KIF13A: variants seen among roughly 807,000 people sequenced by gnomAD.
KIF13A encodes the protein kinesin-like protein KIF13A.
KIF13A carries 79 observed loss-of-function variants against 212.2 expected under a neutral mutation model. That is an observed-to-expected ratio of 0.37 (90% CI 0.31 to 0.45). The LOEUF (loss-of-function observed/expected upper bound fraction) is 0.45, where lower values mean the gene tolerates loss of function less well. KIF13A is among the 20% of genes least tolerant of loss of function. The pLI is 1.00. For missense variants in KIF13A, 1,901 were observed against 2,209.0 expected (o/e 0.86, Z 2.79); for synonymous variants, 789 against 808.6 (o/e 0.98, Z 0.41).
intron 2 of KIF13A, among the ~76,000 whole-genome samples, chr6:17,913,231 G>A (rs1454972384): frequency 6.6e-6 from 1 of 152,036 alleles, no homozygotes; most frequent in African/African-American, 2.4e-5. Flanking sequence ...GAGGAGCAGG[G>A]AGCTGGAATG....
intron 3 of KIF13A, among the ~76,000 whole-genome samples, chr6:17,890,628 TTC>T (rs1771962674): frequency 6.7e-6 from 1 of 150,014 alleles, no homozygotes; most frequent in Non-Finnish European, 1.5e-5. Context: ...CTTCTCCTTC[TTC>T]TTTTTTTTTT....
chr6:17,957,441 C>A (rs1778435600), intron 2 of KIF13A, among the ~76,000 whole-genome samples: 1 of 152,140 alleles, frequency 6.6e-6, no homozygotes, highest in Non-Finnish European at 1.5e-5. Context: ...TTTGTATCCT[C>A]TAAGATAACC....
chr6:17,781,311 T>C lies in KIF13A; in HGVS notation c.3545-10A>G, dbSNP rs1452914835. ...GCACTGAGGTCATCCGCTAACCACA[T>C]CAGGAGCACAGAAAAAACAGTAGGG... On this transcript the variant is annotated splice_polypyrimidine_tract_variant and intron_variant, in intron 29 of 38. Coordinates refer to ENST00000259711, the MANE Select transcript of KIF13A (RefSeq NM_022113.6). The C allele has an allele frequency of 1.3e-6, 2 of 1,560,652 alleles. No homozygotes were observed. Among genetic ancestry groups the C allele is most frequent in the Non-Finnish European group, 1.7e-6 (2 of 1,158,748 alleles).
intron 2 of KIF13A, among the ~76,000 whole-genome samples, chr6:17,945,992 C>T (rs749102683): frequency 6.6e-6 from 1 of 152,078 alleles, no homozygotes; most frequent in Non-Finnish European, 1.5e-5. Flanking sequence ...ATCTCTACTT[C>T]ATACTGTTTA....
At chr6:17,975,542 C>T (rs774553077) in intron 2 of KIF13A, among the ~76,000 whole-genome samples, 1 of 151,398 alleles carries the variant, frequency 6.6e-6, no homozygotes, top group Non-Finnish European at 1.5e-5. Context: ...TTGCAAAGAC[C>T]AAAAGAAAAA....
chr6:17,766,219 G>GATTGATTGATTTATTTATTTATTTATTT (rs1554158989), intron 38 of KIF13A, among the ~76,000 whole-genome samples: 1 of 144,656 alleles, frequency 6.9e-6, no homozygotes, highest in African/African-American at 2.6e-5. Context: ...TTATTTTTAA[G>GATTGATTGATTTATTTATTTATTTATTT]ATTTATTTAT....
rs927020936 is a variant in KIF13A, at chr6:17,787,676, A to C, written c.3361+100T>G. The C allele has an allele frequency of 1.0e-5, 7 of 682,336 alleles. No homozygotes were observed. The highest frequency in any genetic ancestry group is 2.3e-5 in the Admixed American group (1 of 42,752). 42.3% of individuals were successfully genotyped at this position (682,336 alleles called of 1,614,324 possible). ...AAAACAACAACAACAACAACAACAA[A>C]AATAAGATACTACTGTCCAGTTAGG... On this transcript the variant is annotated intron_variant, in intron 27 of 38. Coordinates refer to ENST00000259711, the MANE Select transcript of KIF13A (RefSeq NM_022113.6). The surrounding 1 kb of genome is among the most constrained non-coding windows in gnomAD (Gnocchi z 4.6).
In KIF13A at chr6:17,831,017, C is replaced by T. The variant is rs1285414167; in HGVS notation, c.1401+84G>A. 5 of 1,310,192 alleles carry T rather than the reference C, an allele frequency of 3.8e-6. No homozygotes were observed. In the African/African-American group the frequency reaches 5.9e-5, roughly 15 times the overall value. 81.2% of individuals were successfully genotyped at this position (1,310,192 alleles called of 1,614,324 possible). ...GGGCTAAGCTGGATACAAAAAGCAA[C>T]ATCACAGAGACAGGCACCCAGATTC... On this transcript the variant is annotated intron_variant, in intron 13 of 38. Transcript: ENST00000259711.
intron 2 of KIF13A, among the ~76,000 whole-genome samples, chr6:17,922,180 A>G (rs72839131): frequency 0.041 from 6,176 of 152,296 alleles, 229 homozygotes; most frequent in Admixed American, 0.057. Context: ...TCAGGTCAAC[A>G]GCTAACAGCC....
chr6:17,777,401 A>G lies in KIF13A; in HGVS notation c.4093-47T>C, dbSNP rs1324011963. Reference sequence around the variant, plus strand: ...AATAACACTTTTTTTTTTTTTCCCCAGAGACAGAGTCTCACTCTGTTGCCC... The same window carrying G: ...AATAACACTTTTTTTTTTTTTCCCCGGAGACAGAGTCTCACTCTGTTGCCC... On this transcript the variant is annotated intron_variant, in intron 33 of 38. Coordinates refer to ENST00000259711, the MANE Select transcript of KIF13A (RefSeq NM_022113.6). The surrounding 1 kb of genome is among the most constrained non-coding windows in gnomAD (Gnocchi z 4.4). 1.8e-5 allele frequency: 26 copies of G among 1,412,512 alleles called. No homozygotes were observed. The Admixed American group carries it at 5.1e-4, about 28-fold the overall frequency. 87.5% of individuals were successfully genotyped at this position (1,412,512 alleles called of 1,614,324 possible). A position where few individuals can be genotyped will look rare whatever the true frequency, so the allele number is the denominator to read the frequency against.
intron 4 of KIF13A, among the ~76,000 whole-genome samples, chr6:17,870,328 G>A (rs1279722999): frequency 6.6e-6 from 1 of 152,102 alleles, no homozygotes; most frequent in Non-Finnish European, 1.5e-5. Context: ...TAGGCTATCA[G>A]TATGTTTAAA....
chr6:17,888,921 C>G lies in KIF13A; in HGVS notation c.159+9247G>C, dbSNP rs1221353661. ...AAAAAATCTTATATTCTTTTTCTTT[C>G]TTGTACCAAGTCTTCTAAATCTAGC... is the stretch of plus-strand genomic sequence containing the variant. On this transcript the variant is annotated intron_variant, in intron 3 of 38. Transcript: ENST00000259711. The surrounding 1 kb of genome is among the most constrained non-coding windows in gnomAD (Gnocchi z 4.8). Among the ~76,000 whole-genome samples the G allele has an allele frequency of 1.3e-5, 2 of 151,996 alleles. No homozygotes were observed. Among genetic ancestry groups the G allele is most frequent in the East Asian group, 3.9e-4 (2 of 5,194 alleles).
Position 17,961,760 on chromosome 6 carries a change from C to T in KIF13A, c.146+25294G>A, listed in dbSNP as rs1778832592. ...TCCTCCAGCCAAGTAAGATGTCCACCTCCAGCAACGACATAGACTGCAGCG... is the reference window on the plus strand; with the variant it reads ...TCCTCCAGCCAAGTAAGATGTCCACTTCCAGCAACGACATAGACTGCAGCG... On this transcript the variant is annotated intron_variant, in intron 2 of 38. Transcript: ENST00000259711. The surrounding 1 kb of genome is among the most constrained non-coding windows in gnomAD (Gnocchi z 4.1). 2.0e-5 allele frequency among the ~76,000 whole-genome samples: 3 copies of T among 152,178 alleles called. No individual in the cohort carries two copies. Among genetic ancestry groups the T allele is most frequent in the African/African-American group, 7.2e-5 (3 of 41,444 alleles).
intron 7 of KIF13A, among the ~76,000 whole-genome samples, chr6:17,851,220 C>T (rs1464319127): frequency 1.3e-5 from 2 of 152,074 alleles, no homozygotes; most frequent in South Asian, 4.1e-4. Flanking sequence ...GCTCTATTTC[C>T]GATTAGAGCA....
Position 17,773,477 on chromosome 6 carries a change from C to T in KIF13A, c.4324+1G>A, listed in dbSNP as rs370060319. ...TCACTGCAAAATAATCTCACCACTA[C>T]CTTCTTTATTCCTTCGAGGAGAATC... On this transcript the variant is annotated splice_donor_variant, in intron 36 of 38. Coordinates refer to ENST00000259711, the MANE Select transcript of KIF13A (RefSeq NM_022113.6). LOFTEE classifies it high-confidence loss of function. This position sits in a 1 kb window ranked among gnomAD's most constrained non-coding sequence, Gnocchi z 4.2. 10 of 1,540,922 alleles carry T rather than the reference C, an allele frequency of 6.5e-6. No individual in the cohort carries two copies. The highest frequency in any genetic ancestry group is 8.1e-6 in the Non-Finnish European group (9 of 1,115,144).
chr6:17,805,382 TGTGTG>T, intron 19 of KIF13A, 88 bp downstream of exon 19: 1 of 248,430 alleles, frequency 4.0e-6, no homozygotes, highest in Non-Finnish European at 7.3e-6. Flanking sequence ...TGTGTGTGTG[TGTGTG>T]TGTGTGTGTG....
intron 9 of KIF13A, among the ~76,000 whole-genome samples, chr6:17,847,303 T>C (rs537260412): frequency 3.3e-5 from 5 of 152,312 alleles, no homozygotes; most frequent in South Asian, 4.1e-4. Context: ...TCTGAACTCA[T>C]TTTGGCATGC....
rs1309336169 is a variant in KIF13A, at chr6:17,872,481, C to T, written c.220+896G>A. Among the ~76,000 whole-genome samples, 1 of 152,152 alleles carries T rather than the reference C, an allele frequency of 6.6e-6. No homozygotes were observed. Among genetic ancestry groups the T allele is most frequent in the Admixed American group, 6.5e-5 (1 of 15,270 alleles). The stretch of plus-strand genomic sequence containing the variant: ...GTACTGTATTCCTGAAAATTGCTAA[C>T]TGAGTAGACTTTAAGTGTTCTTACC... On this transcript the variant is annotated intron_variant, in intron 4 of 38. Transcript: ENST00000259711. This position sits in a 1 kb window ranked among gnomAD's most constrained non-coding sequence, Gnocchi z 4.7.
At position 17,796,824 on chromosome 6, in the gene KIF13A, G is replaced by A. The variant is rs770333084; in HGVS notation, c.2791-4C>T. The A allele has an allele frequency of 1.3e-6, 2 of 1,490,804 alleles. No individual in the cohort carries two copies. The allele number at this position is 1,490,804 out of a possible 1,614,324, so 92.3% of individuals were successfully genotyped here. On this transcript the variant is annotated splice_polypyrimidine_tract_variant and splice_region_variant and intron_variant, in intron 22 of 38. Transcript: ENST00000259711. ...CTGTTACATTCACCACATAGTCCTG[G>A]GATAAGTGGGGGAAAGCAAAAGAAT... is the stretch of plus-strand genomic sequence containing the variant.
Sources: gnomAD v4.1 joint callset for allele counts (sites outside exome capture counted in the v4.1 genomes callset) on GRCh38, gnomAD v4.1.1 for gene constraint, Gnocchi (gnomAD v3.1) non-coding constraint, MANE v1.5 for transcripts, NCBI Gene and HGNC (gene_info 2026-07-23, HGNC 2026-07-21) for gene names.